Variants in CD200R1L observed in about 807,000 individuals in gnomAD.
CD200R1L encodes cell surface glycoprotein CD200 receptor 2.
Under a neutral mutation model 24.8 loss-of-function variants are expected in CD200R1L, and 14 were observed. That is an observed-to-expected ratio of 0.56 (90% CI 0.37 to 0.88). The LOEUF is 0.88. CD200R1L is among the 40% of genes least tolerant of loss of function. The probability of loss-of-function intolerance (pLI) is 0.00; values close to 1 mark genes in which losing one functional copy is unlikely to be tolerated. For missense variants in CD200R1L, 299 were observed against 297.8 expected (o/e 1.00, Z -0.03); for synonymous variants, 111 against 109.2 (o/e 1.02, Z -0.11).
intron 3 of CD200R1L, among the ~76,000 whole-genome samples, chr3:112,836,534 C>A (rs1207786615): frequency 6.6e-6 from 1 of 152,238 alleles, no homozygotes. Flanking sequence ...TCAGACCACT[C>A]AGGGGTCTAT....
At chr3:112,829,575 A>C in intron 3 of CD200R1L, 191 bp from the exon 4 acceptor site, 1 of 907,486 alleles carries the variant, frequency 1.1e-6, no homozygotes. Flanking sequence ...AACATCTTGA[A>C]AATTATACTT....
At chr3:112,829,174 AG>A (rs1938737151) in intron 4 of CD200R1L, 144 bp downstream of exon 4, 1 of 602,428 alleles carries the variant, frequency 1.7e-6, no homozygotes, top group South Asian at 2.3e-5. Flanking sequence ...TGGGACATTC[AG>A]GGTCCTTCGT....
At chr3:112,845,368 C>T (rs1166840236) in intron 2 of CD200R1L, among the ~76,000 whole-genome samples, 1 of 152,102 alleles carries the variant, frequency 6.6e-6, no homozygotes, top group Non-Finnish European at 1.5e-5. Flanking sequence ...AAACTAATAA[C>T]AAGTTCTCAA....
At chr3:112,842,638 T>C (rs1939109095) in intron 2 of CD200R1L, among the ~76,000 whole-genome samples, 1 of 152,162 alleles carries the variant, frequency 6.6e-6, no homozygotes, top group South Asian at 2.1e-4. Flanking sequence ...GTAGGAGAGA[T>C]ATCACTAAAT....
chr3:112,821,469 C>T (rs1938535428), intron 6 of CD200R1L, among the ~76,000 whole-genome samples: 1 of 152,214 alleles, frequency 6.6e-6, no homozygotes, highest in Non-Finnish European at 1.5e-5. Flanking sequence ...CAGGTAGCTA[C>T]TCTGTGTTCA....
intron 6 of CD200R1L, among the ~76,000 whole-genome samples, chr3:112,824,491 A>G (rs900686019): frequency 1.3e-5 from 2 of 152,164 alleles, no homozygotes; most frequent in Non-Finnish European, 2.9e-5. Flanking sequence ...CAAAAATTAG[A>G]CAGTGGTTGA....
chr3:112,823,896 C>A (rs975733790), intron 6 of CD200R1L, among the ~76,000 whole-genome samples: 12 of 148,306 alleles, frequency 8.1e-5, no homozygotes, highest in Admixed American at 2.0e-4. Context: ...GCATGGGGTA[C>A]AGGATGGAGA....
chr3:112,830,433 G>A (rs1261580161), intron 3 of CD200R1L, among the ~76,000 whole-genome samples: 2 of 151,308 alleles, frequency 1.3e-5, no homozygotes, highest in Non-Finnish European at 2.9e-5. Context: ...GAGGACAATG[G>A]GATCAACCCA....
At chr3:112,827,812 A>T in intron 4 of CD200R1L, 128 bp from the exon 5 acceptor site, 7 of 869,848 alleles carry the variant, frequency 8.0e-6, no homozygotes, top group Non-Finnish European at 1.2e-5. Context: ...TTCCAGAAAT[A>T]TTAGACTTAG....
rs1938379667 is a variant in CD200R1L, at chr3:112,815,981, A to G, written c.741-6T>C. 1.3e-6 allele frequency: 1 copy of G among 780,360 alleles called. No individual in the cohort carries two copies. Among genetic ancestry groups the G allele is most frequent in the African/African-American group, 1.7e-5 (1 of 59,124 alleles). 48.3% of individuals were successfully genotyped at this position (780,360 alleles called of 1,614,324 possible). A position where few individuals can be genotyped will look rare whatever the true frequency, so the allele number is the denominator to read the frequency against. ...TTCTTCTTTAAAGAACTTTTCTGAA[A>G]GTATTACACAAGATTTGTATTTATA... On this transcript the variant is annotated splice_region_variant and splice_polypyrimidine_tract_variant and intron_variant, in intron 7 of 7. Transcript: ENST00000488794.
chr3:112,845,467 C>A (rs1295133435), intron 2 of CD200R1L, among the ~76,000 whole-genome samples: 1 of 152,150 alleles, frequency 6.6e-6, no homozygotes, highest in Non-Finnish European at 1.5e-5. Context: ...TCAATCCCAG[C>A]CCCCAATTAC....
Position 112,819,833 on chromosome 3 carries a change from G to T in CD200R1L, c.679C>A (p.Leu227Ile). The change falls in exon 7 of 8, where the codon CTT (leucine) becomes ATT (isoleucine). Residue 227 changes from leucine to isoleucine, a missense_variant. Physicochemically the swap from Leu to Ile is conservative, Grantham distance 5. Coordinates refer to ENST00000488794, the MANE Select transcript of CD200R1L (RefSeq NM_001199215.3). Reference sequence around the variant, plus strand: ...GTGGTGACCAGAATGACCACAAAAAGAGAGAGTTTCACATAAAGAATGATC... The same window carrying T: ...GTGGTGACCAGAATGACCACAAAAATAGAGAGTTTCACATAAAGAATGATC... ...LLIILYVKLS[L>I]FVVILVTTGF... is the part of the protein sequence containing the mutation. 6.2e-7 allele frequency: 1 copy of T among 1,610,812 alleles called. No homozygotes were observed. The highest frequency in any genetic ancestry group is 8.5e-7 in the Non-Finnish European group (1 of 1,178,692).
chr3:112,840,575 G>A (rs1480210885), intron 2 of CD200R1L, among the ~76,000 whole-genome samples: 2 of 152,156 alleles, frequency 1.3e-5, no homozygotes, highest in Admixed American at 6.5e-5. Flanking sequence ...ACAATTAGAC[G>A]TGAGATTTAG....
intron 2 of CD200R1L, among the ~76,000 whole-genome samples, chr3:112,845,084 C>T (rs1457335802): frequency 6.6e-6 from 1 of 151,790 alleles, no homozygotes; most frequent in Non-Finnish European, 1.5e-5. Context: ...TACAAAGCAT[C>T]AACAAAACCA....
At chr3:112,820,103 G>A (rs1028962569) in intron 6 of CD200R1L, among the ~76,000 whole-genome samples, 1 of 152,134 alleles carries the variant, frequency 6.6e-6, no homozygotes, top group Non-Finnish European at 1.5e-5. Context: ...TTTGTACATC[G>A]TAGGTTTCTG....
chr3:112,841,843 G>T (rs1268730941), intron 2 of CD200R1L, among the ~76,000 whole-genome samples: 1 of 152,176 alleles, frequency 6.6e-6, no homozygotes, highest in African/African-American at 2.4e-5. Flanking sequence ...CAAAGTCCAG[G>T]GTTCAAGCAC....
chr3:112,815,867 C>A lies in CD200R1L; in HGVS notation c.*96G>T. The A allele has an allele frequency of 1.3e-6, 1 of 754,250 alleles. No homozygotes were observed. The allele number at this position is 754,250 out of a possible 1,614,324, so 46.7% of individuals were successfully genotyped here. A position where few individuals can be genotyped will look rare whatever the true frequency, so the allele number is the denominator to read the frequency against. On this transcript the variant is annotated 3_prime_UTR_variant, in exon 8 of 8. Transcript: ENST00000488794. ...GAGTGGCTTCTATCCTTAACATCAT[C>A]CATGGCCCAAGTTCACTGCTGGACC...
intron 2 of CD200R1L, among the ~76,000 whole-genome samples, chr3:112,839,710 T>C (rs1939036212): frequency 6.6e-6 from 1 of 152,182 alleles, no homozygotes; most frequent in South Asian, 2.1e-4. Flanking sequence ...AATTGGAATG[T>C]GAACATATAG....
At chr3:112,834,234 C>CTT (rs5851866) in intron 3 of CD200R1L, among the ~76,000 whole-genome samples, 7 of 93,294 alleles carry the variant, frequency 7.5e-5, no homozygotes, top group South Asian at 8.0e-4. Context: ...CACCATCATT[C>CTT]TTTTTTTTTT....
Sources: allele counts gnomAD v4.1 joint callset (sites outside exome capture counted in the v4.1 genomes callset), GRCh38; gene constraint gnomAD v4.1.1; transcripts MANE v1.5; gene names NCBI Gene and HGNC (gene_info 2026-07-23, HGNC 2026-07-21).